The following GALNT7 variants were observed in gnomAD, a reference collection of about 807,000 sequenced individuals.
GALNT7 encodes the protein N-acetylgalactosaminyltransferase 7.
Under a neutral mutation model 82.1 loss-of-function variants are expected in GALNT7, and 60 were observed. The observed-to-expected ratio is 0.73, with a 90% CI of 0.59 to 0.91. The LOEUF (loss-of-function observed/expected upper bound fraction) is 0.91, where lower values mean the gene tolerates loss of function less well. Among genes scored for constraint, GALNT7 ranks in the 40% least tolerant of loss-of-function variants. The pLI is 0.00. For synonymous variants in GALNT7, 243 were observed against 275.1 expected, an observed-to-expected ratio of 0.88 and a Z score of 1.15; for missense variants, 660 against 804.2, an observed-to-expected ratio of 0.82 and a Z score of 2.17.
chr4:173,257,290 AT>A (rs1021074912), intron 2 of GALNT7, among the ~76,000 whole-genome samples: 34 of 151,678 alleles, frequency 2.2e-4, no homozygotes, highest in Non-Finnish European at 4.1e-4. Flanking sequence ...ATAAGCACCA[AT>A]TTTTTTTTCT....
rs372897402 is a variant in GALNT7, at chr4:173,247,968, C to T, written c.127-12C>T. On this transcript the variant is annotated splice_polypyrimidine_tract_variant and intron_variant, in intron 1 of 11. Coordinates refer to ENST00000265000, the MANE Select transcript of GALNT7 (RefSeq NM_017423.3). ...TCATGTACTCATTGTATATCCCCTC[C>T]CTTTTGTATAGGAAGACAGAGATGT... 130 of 1,572,674 alleles carry T rather than the reference C, an allele frequency of 8.3e-5. No individual in the cohort carries two copies. The highest frequency in any genetic ancestry group is 1.1e-4 in the Non-Finnish European group (126 of 1,146,852).
chr4:173,300,008 A>C (rs574497800), intron 6 of GALNT7, among the ~76,000 whole-genome samples: 1 of 152,126 alleles, frequency 6.6e-6, no homozygotes, highest in African/African-American at 2.4e-5. Flanking sequence ...TTCTGATGCT[A>C]TTTTCTTCTA....
intron 2 of GALNT7, among the ~76,000 whole-genome samples, chr4:173,291,531 G>C (rs2126828193): frequency 6.6e-6 from 1 of 152,240 alleles, no homozygotes; most frequent in East Asian, 1.9e-4. Flanking sequence ...TCAAATAGTT[G>C]TGTAGAACAA....
chr4:173,286,165 T>C (rs570751289), intron 2 of GALNT7, among the ~76,000 whole-genome samples: 2 of 152,356 alleles, frequency 1.3e-5, no homozygotes, highest in African/African-American at 2.4e-5. Flanking sequence ...TTAATTAAAA[T>C]TTTACAGAGA....
chr4:173,208,917 CT>C, intron 1 of GALNT7, among the ~76,000 whole-genome samples: 1 of 152,116 alleles, frequency 6.6e-6, no homozygotes, highest in Non-Finnish European at 1.5e-5. Flanking sequence ...ATTATGTTTT[CT>C]TTAGTACTTT....
intron 1 of GALNT7, among the ~76,000 whole-genome samples, chr4:173,214,750 A>G (rs942203573): frequency 6.6e-5 from 10 of 152,152 alleles, no homozygotes; most frequent in Admixed American, 4.6e-4. Flanking sequence ...GATGGAATCA[A>G]GTAGTAACCT....
intron 1 of GALNT7, among the ~76,000 whole-genome samples, chr4:173,243,943 T>C (rs1055034085): frequency 6.6e-6 from 1 of 152,226 alleles, no homozygotes; most frequent in Non-Finnish European, 1.5e-5. Flanking sequence ...TTCATTCATT[T>C]ATTCAGTGAG....
At chr4:173,216,053 A>G (rs1733440604) in intron 1 of GALNT7, among the ~76,000 whole-genome samples, 1 of 152,154 alleles carries the variant, frequency 6.6e-6, no homozygotes, top group South Asian at 2.1e-4. Flanking sequence ...GAGCCTGAAA[A>G]GCAGATGTTG....
At position 173,298,133 on chromosome 4, in the gene GALNT7, G is replaced by A. The variant is rs142599348; in HGVS notation, c.984G>A (p.Pro328=). The A allele has an allele frequency of 4.1e-5, 66 of 1,613,814 alleles. No homozygotes were observed. Among genetic ancestry groups the A allele is most frequent in the East Asian group, 1.3e-4 (6 of 44,870 alleles). Reference sequence around the variant, plus strand: ...AATACAGAACCATTTGCACTGTGCCGCTTATAGATGTCATAAATGGCAACA... The same window carrying A: ...AATACAGAACCATTTGCACTGTGCCACTTATAGATGTCATAAATGGCAACA... ...ISKDRTICTV[P]LIDVINGNTY... Residue 328 remains proline, a synonymous_variant, in exon 6 of 12, where the codon CCG becomes CCA. Coordinates refer to ENST00000265000, the MANE Select transcript of GALNT7 (RefSeq NM_017423.3).
chr4:173,170,381 G>T (rs1167862974), intron 1 of GALNT7, among the ~76,000 whole-genome samples: 1 of 152,214 alleles, frequency 6.6e-6, no homozygotes, highest in Admixed American at 6.5e-5. Flanking sequence ...GGGCAAAAAG[G>T]CTTGTGGCGT....
intron 5 of GALNT7, among the ~76,000 whole-genome samples, chr4:173,297,557 G>GAT (rs1225827623): frequency 6.6e-6 from 1 of 152,214 alleles, no homozygotes; most frequent in Non-Finnish European, 1.5e-5. Context: ...TAAGCTCAGT[G>GAT]ATATAGTTCT....
intron 1 of GALNT7, among the ~76,000 whole-genome samples, chr4:173,183,711 C>A (rs1732354136): frequency 6.6e-6 from 1 of 151,654 alleles, no homozygotes; most frequent in South Asian, 2.1e-4. Context: ...CCCCCCACCT[C>A]CCAGACGGGG....
intron 2 of GALNT7, among the ~76,000 whole-genome samples, chr4:173,278,471 A>G (rs1390022659): frequency 6.6e-6 from 1 of 152,254 alleles, no homozygotes; most frequent in Non-Finnish European, 1.5e-5. Flanking sequence ...AATTTTCAAC[A>G]TAGAAAACTG....
chr4:173,196,934 C>T lies in GALNT7; in HGVS notation c.126+27973C>T, dbSNP rs1477410347. ...TTGCTTCCTAGATGTTATCTTTATT[C>T]CTGTTGCTTAAAGAACCAGTTTAAT... On this transcript the variant is annotated intron_variant, in intron 1 of 11. Coordinates refer to ENST00000265000, the MANE Select transcript of GALNT7 (RefSeq NM_017423.3). Among the ~76,000 whole-genome samples, 3 of 152,228 alleles carry T rather than the reference C, an allele frequency of 2.0e-5. No homozygotes were observed. The East Asian group carries it at 5.8e-4, about 29-fold the overall frequency.
intron 1 of GALNT7, among the ~76,000 whole-genome samples, chr4:173,245,811 A>T (rs1055614011): frequency 1.3e-5 from 2 of 152,180 alleles, no homozygotes; most frequent in Non-Finnish European, 2.9e-5. Flanking sequence ...CACTTTACTT[A>T]GTTAATTCCC....
At chr4:173,169,707 C>G (rs1279139642) in intron 1 of GALNT7, 1 of 151,886 alleles carries the variant, frequency 6.6e-6, no homozygotes, top group Admixed American at 6.6e-5. Flanking sequence ...GGGGCGTCCC[C>G]GCCCCGCCTG....
intron 1 of GALNT7, among the ~76,000 whole-genome samples, chr4:173,221,601 A>G (rs1214867524): frequency 6.6e-6 from 1 of 152,260 alleles, no homozygotes; most frequent in Non-Finnish European, 1.5e-5. Context: ...TGTAGTTTCC[A>G]GATTCAGACT....
intron 1 of GALNT7, among the ~76,000 whole-genome samples, chr4:173,243,830 G>A (rs1228546973): frequency 1.3e-5 from 2 of 151,894 alleles, no homozygotes; most frequent in Non-Finnish European, 1.5e-5. Context: ...GCCAGTACGG[G>A]TCTATCTGAT....
intron 1 of GALNT7, among the ~76,000 whole-genome samples, chr4:173,213,241 C>T (rs144736758): frequency 5.4e-4 from 82 of 151,210 alleles, no homozygotes; most frequent in African/African-American, 1.5e-3. Flanking sequence ...TTTTTTCCTT[C>T]TTATGCAGAA....
Sources: allele counts gnomAD v4.1 joint callset (sites outside exome capture counted in the v4.1 genomes callset), GRCh38; gene constraint gnomAD v4.1.1; transcripts MANE v1.5; gene names NCBI Gene and HGNC (gene_info 2026-07-23, HGNC 2026-07-21).